ACO2: variants seen among roughly 807,000 people sequenced by gnomAD.
ACO2 encodes aconitate hydratase, mitochondrial.
Under a neutral mutation model 84.5 loss-of-function variants are expected in ACO2, and 31 were observed. That is an observed-to-expected ratio of 0.37 (90% CI 0.28 to 0.50). The LOEUF is 0.50. Ranked by LOEUF, ACO2 falls within the 20% of genes least tolerant of loss-of-function variation. The probability of loss-of-function intolerance (pLI) is 0.97; values close to 1 mark genes in which losing one functional copy is unlikely to be tolerated. For missense variants in ACO2, 685 were observed against 1,029.3 expected, an observed-to-expected ratio of 0.67 and a Z score of 4.58; for synonymous variants, 414 against 412.7, an observed-to-expected ratio of 1.00 and a Z score of -0.04.
At position 41,499,814 on chromosome 22, in the gene ACO2, A is replaced by G; in HGVS notation, c.125A>G (p.Tyr42Cys). 1 of 1,614,168 alleles carries G rather than the reference A, an allele frequency of 6.2e-7. No individual in the cohort carries two copies. Among genetic ancestry groups the G allele is most frequent in the South Asian group, 1.1e-5 (1 of 91,088 alleles). ...ATGAGCCACTTTGAGCCCAACGAGTACATCCATTATGACCTGCTAGAGAAG... is the reference window on the plus strand; with the variant it reads ...ATGAGCCACTTTGAGCCCAACGAGTGCATCCATTATGACCTGCTAGAGAAG... ...VAMSHFEPNE[Y>C]IHYDLLEKNI... The change falls in exon 2 of 18, where the codon TAC (tyrosine) becomes TGC (cysteine). Residue 42 changes from tyrosine (Y) to cysteine (C), a missense_variant. Physicochemically the swap from Tyr to Cys is radical, Grantham distance 194. Transcript: ENST00000216254.
chr22:41,524,699 G>A, intron 12 of ACO2, 147 bp from the exon 13 acceptor site: 2 of 1,300,712 alleles, frequency 1.5e-6, no homozygotes, highest in South Asian at 2.7e-5. Context: ...TCGTCCTGCA[G>A]CTCTGGCCTC....
chr22:41,484,214 A>G (rs1455618490), intron 1 of ACO2, among the ~76,000 whole-genome samples: 1 of 152,214 alleles, frequency 6.6e-6, no homozygotes, highest in Non-Finnish European at 1.5e-5. Context: ...AAATACTACT[A>G]ATAAAGATTA....
At chr22:41,523,605 C>T (rs1328303010) in intron 11 of ACO2, among the ~76,000 whole-genome samples, 1 of 152,184 alleles carries the variant, frequency 6.6e-6, no homozygotes, top group East Asian at 1.9e-4. Flanking sequence ...TTGACCAAGG[C>T]CTTGCCTCTG....
chr22:41,523,999 C>A, intron 12 of ACO2, 58 bp downstream of exon 12: 1 of 1,496,028 alleles, frequency 6.7e-7, no homozygotes, highest in South Asian at 1.1e-5. Flanking sequence ...CCTGGCGGGT[C>A]AGAGGAGGAG....
chr22:41,503,618 C>G (rs1266995685), intron 2 of ACO2, among the ~76,000 whole-genome samples: 2 of 152,110 alleles, frequency 1.3e-5, no homozygotes, highest in East Asian at 3.9e-4. Context: ...TGTGAGCCAC[C>G]ACACCTGGTC....
At chr22:41,494,805 C>T (rs1033561795) in intron 1 of ACO2, among the ~76,000 whole-genome samples, 2 of 152,012 alleles carry the variant, frequency 1.3e-5, no homozygotes, top group Admixed American at 6.6e-5. Flanking sequence ...GGGATCTCGG[C>T]TCACTGCAAC....
chr22:41,508,010 A>T lies in ACO2; in HGVS notation c.393A>T (p.Glu131Asp), dbSNP rs2066406982. The change falls in exon 3 of 18, where the codon GAA becomes GAT. Residue 131 changes from glutamate (E) to aspartate (D), a missense_variant. This residue lies in a region of ACO2 where 92 missense variants were observed against 203.7 expected (regional missense o/e 0.45). Transcript: ENST00000216254. ...PSTIHCDHLI[E>D]AQVGGEKDLR... is the part of the protein sequence containing the mutation. Reference sequence around the variant, plus strand: ...CCATCCACTGTGACCATCTGATTGAAGCCCAGGTTGGGGGCGAGAAAGACC... The same window carrying T: ...CCATCCACTGTGACCATCTGATTGATGCCCAGGTTGGGGGCGAGAAAGACC... The T allele has an allele frequency of 6.2e-7, 1 of 1,613,546 alleles. No homozygotes were observed. Among genetic ancestry groups the T allele is most frequent in the South Asian group, 1.1e-5 (1 of 91,082 alleles).
chr22:41,507,156 C>G (rs1287053599), intron 2 of ACO2, among the ~76,000 whole-genome samples: 1 of 152,108 alleles, frequency 6.6e-6, no homozygotes, highest in Non-Finnish European at 1.5e-5. Context: ...GACCCGGTCT[C>G]TGTTCTTGAA....
At chr22:41,484,094 G>T (rs1047846844) in intron 1 of ACO2, among the ~76,000 whole-genome samples, 4 of 152,146 alleles carry the variant, frequency 2.6e-5, no homozygotes, top group African/African-American at 9.7e-5. Flanking sequence ...GAAATGGGGG[G>T]TTGGGACTTG....
chr22:41,510,127 C>G (rs868838635), intron 3 of ACO2, among the ~76,000 whole-genome samples: 2 of 152,138 alleles, frequency 1.3e-5, no homozygotes, highest in African/African-American at 4.8e-5. Flanking sequence ...TGAGCCACCA[C>G]GCCCGGCCTA....
chr22:41,524,616 A>C (rs1475874809), intron 12 of ACO2, among the ~76,000 whole-genome samples: 1 of 152,202 alleles, frequency 6.6e-6, no homozygotes, highest in Non-Finnish European at 1.5e-5. Flanking sequence ...CCGGCCCTGC[A>C]GGGATGGGAG....
At chr22:41,498,451 G>A in intron 1 of ACO2, among the ~76,000 whole-genome samples, 1 of 152,246 alleles carries the variant, frequency 6.6e-6, no homozygotes, top group East Asian at 1.9e-4. Context: ...AGGAATTTGG[G>A]AGTGGCTTGG....
chr22:41,523,869 C>G lies in ACO2; in HGVS notation c.1410C>G (p.Thr470=), dbSNP rs957767534. 1.2e-6 allele frequency: 2 copies of G among 1,612,220 alleles called. No homozygotes were observed. The highest frequency in any genetic ancestry group is 2.2e-4 in the Middle Eastern group (1 of 4,584). The change falls in exon 12 of 18, where the codon ACC becomes ACG. Residue 470 remains threonine (T), a synonymous_variant. Coordinates refer to ENST00000216254, the MANE Select transcript of ACO2 (RefSeq NM_001098.3). ...IKKGEKNTIV[T]SYNRNFTGRN... is the part of the protein sequence containing the mutation. The stretch of plus-strand genomic sequence containing the variant: ...AGGGGGAGAAGAACACAATCGTCAC[C>G]TCCTACAACAGGAACTTCACGGGCC...
At chr22:41,470,528 C>CTTTTTTTTTTTTT (rs71184811) in intron 1 of ACO2, among the ~76,000 whole-genome samples, 6 of 95,858 alleles carry the variant, frequency 6.3e-5, no homozygotes, top group Admixed American at 1.3e-4. Context: ...CTCTTTACAT[C>CTTTTTTTTTTTTT]TTTTTTTTTT....
chr22:41,505,914 TCTGTTTAAAG>T, intron 2 of ACO2, among the ~76,000 whole-genome samples: 1 of 152,176 alleles, frequency 6.6e-6, no homozygotes, highest in Non-Finnish European at 1.5e-5. Flanking sequence ...CAATTATACC[TCTGTTTAAAG>T]CTGTTTAAAA....
chr22:41,483,267 C>T (rs910272998), intron 1 of ACO2, among the ~76,000 whole-genome samples: 1 of 152,176 alleles, frequency 6.6e-6, no homozygotes, highest in African/African-American at 2.4e-5. Flanking sequence ...TTATGGGTGA[C>T]CTCAGGAATG....
intron 1 of ACO2, among the ~76,000 whole-genome samples, chr22:41,495,599 TA>T (rs1360430714): frequency 6.6e-6 from 1 of 150,614 alleles, no homozygotes; most frequent in African/African-American, 2.5e-5. Flanking sequence ...GACCAGGCAA[TA>T]GGTATTGTTA....
chr22:41,494,364 A>G (rs2146100022), intron 1 of ACO2, among the ~76,000 whole-genome samples: 1 of 151,304 alleles, frequency 6.6e-6, no homozygotes, highest in Admixed American at 6.6e-5. Flanking sequence ...CTTGTCTCAT[A>G]TTAGAGACAT....
At chr22:41,521,061 AAAG>A (rs2066522196) in intron 9 of ACO2, among the ~76,000 whole-genome samples, 1 of 149,294 alleles carries the variant, frequency 6.7e-6, no homozygotes, top group Admixed American at 6.7e-5. Context: ...AAAAAAAAAG[AAAG>A]AAAAGAAAAA....
Sources: gnomAD v4.1 joint callset for allele counts (sites outside exome capture counted in the v4.1 genomes callset) on GRCh38, gnomAD v4.1.1 for gene constraint, gnomAD v4.1.1 regional missense constraint, MANE v1.5 for transcripts, NCBI Gene and HGNC (gene_info 2026-07-23, HGNC 2026-07-21) for gene names.